The following C1orf21 variants were observed in gnomAD, a reference collection of about 807,000 sequenced individuals.
C1orf21 encodes uncharacterized protein C1orf21.
In C1orf21, 3 loss-of-function variants were observed where a neutral mutation model predicts 18.7. The observed-to-expected ratio is 0.16, with a 90% CI of 0.07 to 0.42. C1orf21 has a LOEUF of 0.42. Among genes scored for constraint, C1orf21 ranks in the 10% least tolerant of loss-of-function variants. The pLI is 0.99. For missense variants in C1orf21, 104 were observed against 143.6 expected, an observed-to-expected ratio of 0.72 and a Z score of 1.41; for synonymous variants, 41 against 46.4, an observed-to-expected ratio of 0.88 and a Z score of 0.47.
intron 5 of C1orf21, among the ~76,000 whole-genome samples, chr1:184,602,892 G>C (rs750640194): frequency 6.6e-6 from 1 of 152,198 alleles, no homozygotes; most frequent in Non-Finnish European, 1.5e-5. Context: ...CTTCCTCAAA[G>C]AGGATCCTGA....
rs1325180808 is a variant in C1orf21 at position 184,584,130 on chromosome 1, CTTCTT to C, written c.190-6606_190-6602del. On this transcript the variant is annotated intron_variant, in intron 3 of 5. Coordinates refer to ENST00000235307, the MANE Select transcript of C1orf21 (RefSeq NM_030806.4). ...CCTGTTGGTTTGTTTGCTTGTTCTT[CTTCTT>C]TTTTTTTTTTTTTTTTTTTTAAGAA... Among the ~76,000 whole-genome samples, 44 of 81,902 alleles carry C rather than the reference CTTCTT, an allele frequency of 5.4e-4. 1 individual carries two copies. Among genetic ancestry groups the C allele is most frequent in the East Asian group, 1.3e-3 (4 of 3,138 alleles). The allele number at this position is 81,902 out of a possible 152,430, so 53.7% of individuals were successfully genotyped here. A position where few individuals can be genotyped will look rare whatever the true frequency, so the allele number is the denominator to read the frequency against.
chr1:184,596,575 G>T (rs564628105), intron 4 of C1orf21, among the ~76,000 whole-genome samples: 1 of 152,202 alleles, frequency 6.6e-6, no homozygotes, highest in Admixed American at 6.5e-5. Context: ...CCTATATTAA[G>T]AGAAAGAGAT....
rs555212493 is a variant in C1orf21, at chr1:184,573,168, C to T, written c.190-17571C>T. On this transcript the variant is annotated intron_variant, in intron 3 of 5. Coordinates refer to ENST00000235307, the MANE Select transcript of C1orf21 (RefSeq NM_030806.4). ...AGCCTATTAACCCTTTTCCATTTACCCTGAGAATACTCACTGATGGCACTT... is the reference window on the plus strand; with the variant it reads ...AGCCTATTAACCCTTTTCCATTTACTCTGAGAATACTCACTGATGGCACTT... Among the ~76,000 whole-genome samples the T allele has an allele frequency of 1.3e-3, 204 of 152,096 alleles. 1 individual carries two copies. The highest frequency in any genetic ancestry group is 3.4e-3 in the Middle Eastern group (1 of 292).
At chr1:184,568,901 A>G (rs1659070826) in intron 3 of C1orf21, among the ~76,000 whole-genome samples, 1 of 152,236 alleles carries the variant, frequency 6.6e-6, no homozygotes, top group Non-Finnish European at 1.5e-5. Flanking sequence ...AGGAGGACAA[A>G]TGTTCATTCG....
intron 1 of C1orf21, among the ~76,000 whole-genome samples, chr1:184,469,369 C>G (rs1328139156): frequency 1.3e-5 from 2 of 152,162 alleles, no homozygotes; most frequent in African/African-American, 4.8e-5. Flanking sequence ...CAGTAACCAG[C>G]TTAAGGCTGA....
At chr1:184,390,910 A>G (rs1047393206) in intron 1 of C1orf21, among the ~76,000 whole-genome samples, 4 of 152,242 alleles carry the variant, frequency 2.6e-5, no homozygotes, top group African/African-American at 7.2e-5. Context: ...TACTGCTTAG[A>G]AAACTGAAAA....
Position 184,387,913 on chromosome 1 carries a change from T to G in C1orf21, c.-125+545T>G, listed in dbSNP as rs530827226. 6.6e-6 allele frequency among the ~76,000 whole-genome samples: 1 copy of G among 152,142 alleles called. No individual in the cohort carries two copies. Among genetic ancestry groups the G allele is most frequent in the Non-Finnish European group, 1.5e-5 (1 of 68,014 alleles). On this transcript the variant is annotated intron_variant, in intron 1 of 5. Coordinates refer to ENST00000235307, the MANE Select transcript of C1orf21 (RefSeq NM_030806.4). This position sits in a 1 kb window ranked among gnomAD's most constrained non-coding sequence, Gnocchi z 5.6. Reference sequence around the variant, plus strand: ...CCCGGGATTTCTGAAGTTTTGACCTTTTTGGGGTGGCTCGTTTCGTTGCAT... The same window carrying G: ...CCCGGGATTTCTGAAGTTTTGACCTGTTTGGGGTGGCTCGTTTCGTTGCAT...
intron 3 of C1orf21, among the ~76,000 whole-genome samples, chr1:184,522,702 T>C (rs1008071397): frequency 1.3e-5 from 2 of 152,220 alleles, no homozygotes; most frequent in Non-Finnish European, 2.9e-5. Flanking sequence ...GTATTTATTT[T>C]TGAGACAGAG....
intron 1 of C1orf21, among the ~76,000 whole-genome samples, chr1:184,472,576 T>A (rs184802241): frequency 1.7e-4 from 26 of 152,308 alleles, no homozygotes; most frequent in Non-Finnish European, 2.9e-4. Context: ...AGCCTTTTTT[T>A]AAAAAAAGTT....
intron 1 of C1orf21, among the ~76,000 whole-genome samples, chr1:184,459,870 A>G (rs891589329): frequency 3.9e-5 from 6 of 152,182 alleles, no homozygotes; most frequent in Non-Finnish European, 7.3e-5. Flanking sequence ...AGGGCATCCC[A>G]AAAAACTTTT....
At chr1:184,578,079 C>T (rs567089783) in intron 3 of C1orf21, among the ~76,000 whole-genome samples, 1 of 151,896 alleles carries the variant, frequency 6.6e-6, no homozygotes, top group African/African-American at 2.4e-5. Flanking sequence ...GCCTCAGCCT[C>T]CCGAATAGCT....
chr1:184,388,634 T>C (rs1417034025), intron 1 of C1orf21, among the ~76,000 whole-genome samples: 8 of 151,900 alleles, frequency 5.3e-5, no homozygotes, highest in Admixed American at 4.6e-4. Flanking sequence ...CTTTTCTTTT[T>C]TTTTTTTGTA....
At chr1:184,604,399 G>C (rs1659623348) in intron 5 of C1orf21, among the ~76,000 whole-genome samples, 1 of 152,192 alleles carries the variant, frequency 6.6e-6, no homozygotes, top group African/African-American at 2.4e-5. Flanking sequence ...CACTGGCAGA[G>C]AGATACTCTT....
At chr1:184,434,975 C>T (rs78006574) in intron 1 of C1orf21, among the ~76,000 whole-genome samples, 3,948 of 152,166 alleles carry the variant, frequency 0.026, 165 homozygotes, top group African/African-American at 0.09. Context: ...TCCCTGCTTA[C>T]GTTATTACGG....
rs1408957991 is a variant in C1orf21, at chr1:184,410,654, T to TA, written c.-125+23287dup. On this transcript the variant is annotated intron_variant, in intron 1 of 5. Coordinates refer to ENST00000235307, the MANE Select transcript of C1orf21 (RefSeq NM_030806.4). The stretch of plus-strand genomic sequence containing the variant: ...ATATATATATATATATATATATATA[T>TA]ATATATATATTTTTTTTTTTTTTTT... Among the ~76,000 whole-genome samples, 24 of 7,536 alleles carry TA rather than the reference T, an allele frequency of 3.2e-3. 7 individuals carry two copies. The highest frequency in any genetic ancestry group is 0.031 in the African/African-American group (16 of 510). The allele number at this position is 7,536 out of a possible 152,430, so 4.9% of individuals were successfully genotyped here. A position where few individuals can be genotyped will look rare whatever the true frequency, so the allele number is the denominator to read the frequency against.
intron 1 of C1orf21, among the ~76,000 whole-genome samples, chr1:184,422,475 G>A (rs914824106): frequency 1.1e-4 from 17 of 152,132 alleles, no homozygotes; most frequent in African/African-American, 3.9e-4. Flanking sequence ...TTTTACAGGT[G>A]GAGAACTGAG....
At chr1:184,579,302 T>G (rs1174166775) in intron 3 of C1orf21, among the ~76,000 whole-genome samples, 1 of 145,382 alleles carries the variant, frequency 6.9e-6, no homozygotes, top group Non-Finnish European at 1.5e-5. Flanking sequence ...TCTGCCCACC[T>G]CAGCCTCCCG....
chr1:184,468,629 C>T (rs1657443934), intron 1 of C1orf21, among the ~76,000 whole-genome samples: 1 of 152,142 alleles, frequency 6.6e-6, no homozygotes. Context: ...TTTAAAAAAA[C>T]GATTCTTGGC....
chr1:184,434,869 A>G (rs1010875529), intron 1 of C1orf21, among the ~76,000 whole-genome samples: 14 of 152,188 alleles, frequency 9.2e-5, no homozygotes, highest in Non-Finnish European at 2.9e-5. Context: ...GTTTGTTGAA[A>G]GTTCTTGGAT....
Sources: allele counts gnomAD v4.1 joint callset (sites outside exome capture counted in the v4.1 genomes callset), GRCh38; gene constraint gnomAD v4.1.1; non-coding constraint Gnocchi (gnomAD v3.1); transcripts MANE v1.5; gene names NCBI Gene and HGNC (gene_info 2026-07-23, HGNC 2026-07-21).